Variants in EYS observed in about 807,000 individuals in gnomAD.
The protein encoded by EYS is protein eyes shut homolog.
EYS carries 250 observed loss-of-function variants against 282.1 expected under a neutral mutation model. The observed-to-expected ratio is 0.89, with a 90% CI of 0.80 to 0.98. The LOEUF is 0.98. Ranked by LOEUF, EYS falls within the 50% of genes least tolerant of loss-of-function variation. EYS has a pLI of 0.00. For synonymous variants in EYS, 1,355 were observed against 1,282.9 expected, an observed-to-expected ratio of 1.06 and a Z score of -1.20; for missense variants, 4,016 against 3,709.0, an observed-to-expected ratio of 1.08 and a Z score of -2.15.
At chr6:64,404,047 A>T (rs1773624331) in intron 28 of EYS, among the ~76,000 whole-genome samples, 1 of 152,156 alleles carries the variant, frequency 6.6e-6, no homozygotes, top group Admixed American at 6.5e-5. Flanking sequence ...TACAGTTTCA[A>T]GAGTGATGGC....
intron 22 of EYS, among the ~76,000 whole-genome samples, chr6:64,766,646 AAAAATATATATATATAT>A (rs1406690852): frequency 0.017 from 238 of 14,034 alleles, 3 homozygotes; most frequent in African/African-American, 0.049. Flanking sequence ...AAAAAAAAAA[AAAAATATATATATATAT>A]ATATATATAT....
chr6:64,310,341 AGC>A (rs1769644395), intron 29 of EYS, among the ~76,000 whole-genome samples: 2 of 152,202 alleles, frequency 1.3e-5, no homozygotes, highest in Admixed American at 1.3e-4. Flanking sequence ...CAAAATACCC[AGC>A]AATAATAGAT....
chr6:64,477,495 G>A (rs1776309548), intron 26 of EYS, among the ~76,000 whole-genome samples: 1 of 152,056 alleles, frequency 6.6e-6, no homozygotes, highest in African/African-American at 2.4e-5. Flanking sequence ...CATCCTGTCT[G>A]ACGTCTGATG....
chr6:65,377,869 G>A (rs1318618284), intron 8 of EYS, among the ~76,000 whole-genome samples: 1 of 151,934 alleles, frequency 6.6e-6, no homozygotes, highest in African/African-American at 2.4e-5. Flanking sequence ...AAGTCAAATC[G>A]TGAATAGACC....
intron 28 of EYS, among the ~76,000 whole-genome samples, chr6:64,431,858 T>G (rs550992528): frequency 6.6e-6 from 1 of 152,238 alleles, no homozygotes; most frequent in South Asian, 2.1e-4. Context: ...ATTAATATAA[T>G]GACATTCAGG....
chr6:65,590,842 G>A (rs2127367690), intron 2 of EYS, among the ~76,000 whole-genome samples: 1 of 151,216 alleles, frequency 6.6e-6, no homozygotes, highest in African/African-American at 2.4e-5. Flanking sequence ...ATATTACATT[G>A]GGTAAATATA....
intron 13 of EYS, among the ~76,000 whole-genome samples, chr6:65,042,516 CTTGTT>C (rs1772970421): frequency 6.7e-6 from 1 of 149,550 alleles, no homozygotes; most frequent in African/African-American, 2.5e-5. Context: ...TTTTTTTTTA[CTTGTT>C]GCTCTTTGGA....
intron 16 of EYS, among the ~76,000 whole-genome samples, chr6:64,908,656 C>A (rs748430607): frequency 2.0e-5 from 3 of 152,146 alleles, no homozygotes; most frequent in Non-Finnish European, 4.4e-5. Context: ...AAGGACAGGT[C>A]GTCTTCCTGT....
At chr6:64,942,685 G>A (rs1398460477) in intron 15 of EYS, among the ~76,000 whole-genome samples, 1 of 151,512 alleles carries the variant, frequency 6.6e-6, no homozygotes, top group Non-Finnish European at 1.5e-5. Context: ...TTGAAATCCT[G>A]AAAACACCAA....
intron 12 of EYS, among the ~76,000 whole-genome samples, chr6:65,244,677 T>G (rs1013026153): frequency 8.9e-6 from 1 of 112,950 alleles, no homozygotes. Flanking sequence ...CCCTCCCGGG[T>G]AATTTTTTGT....
chr6:64,804,638 C>T (rs1450052153), intron 22 of EYS, among the ~76,000 whole-genome samples: 1 of 151,958 alleles, frequency 6.6e-6, no homozygotes, highest in Non-Finnish European at 1.5e-5. Context: ...GTATATGCGC[C>T]TCTTTGGCTT....
intron 35 of EYS, among the ~76,000 whole-genome samples, chr6:63,971,824 G>T (rs994498162): frequency 6.6e-6 from 1 of 152,164 alleles, no homozygotes; most frequent in African/African-American, 2.4e-5. Flanking sequence ...CATTTCAATT[G>T]TATTTGTCAT....
At chr6:65,232,426 A>G (rs1456985890) in intron 12 of EYS, among the ~76,000 whole-genome samples, 1 of 152,078 alleles carries the variant, frequency 6.6e-6, no homozygotes, top group Non-Finnish European at 1.5e-5. Flanking sequence ...TAATCTTTCA[A>G]TTATTTTCCA....
intron 36 of EYS, among the ~76,000 whole-genome samples, chr6:63,863,093 G>A (rs1772575653): frequency 6.6e-6 from 1 of 152,244 alleles, no homozygotes; most frequent in African/African-American, 2.4e-5. Context: ...GGGGCAGAGG[G>A]CCCTGAGTTC....
intron 29 of EYS, among the ~76,000 whole-genome samples, chr6:64,322,239 T>TA (rs1223916221): frequency 6.6e-6 from 1 of 151,998 alleles, no homozygotes; most frequent in Non-Finnish European, 1.5e-5. Flanking sequence ...AGGTGTGCTT[T>TA]AAAAAATCTG....
chr6:65,663,204 A>T (rs994843111), intron 1 of EYS, among the ~76,000 whole-genome samples: 3 of 152,152 alleles, frequency 2.0e-5, no homozygotes, highest in Non-Finnish European at 4.4e-5. Flanking sequence ...GCCTCTAAAA[A>T]TTCATGCTAG....
At chr6:63,856,782 T>G (rs1252501528) in intron 36 of EYS, among the ~76,000 whole-genome samples, 1 of 152,220 alleles carries the variant, frequency 6.6e-6, no homozygotes, top group Non-Finnish European at 1.5e-5. Context: ...TAACACAGTT[T>G]CACTGGATTG....
intron 2 of EYS, among the ~76,000 whole-genome samples, chr6:65,521,130 A>G (rs1435147408): frequency 6.6e-6 from 1 of 152,126 alleles, no homozygotes; most frequent in East Asian, 1.9e-4. Flanking sequence ...CAGGCTTATC[A>G]ATTTTTATTC....
intron 22 of EYS, among the ~76,000 whole-genome samples, chr6:64,672,447 G>C (rs974915512): frequency 1.3e-5 from 2 of 152,082 alleles, no homozygotes; most frequent in African/African-American, 2.4e-5. Context: ...TCTAATTTAG[G>C]TATAATGGGA....
Sources: allele counts gnomAD v4.1 joint callset (sites outside exome capture counted in the v4.1 genomes callset), GRCh38; gene constraint gnomAD v4.1.1; transcripts MANE v1.5; gene names NCBI Gene and HGNC (gene_info 2026-07-23, HGNC 2026-07-21).